Variants in DNAH8 observed in about 807,000 individuals in gnomAD.
DNAH8 encodes dynein axonemal heavy chain 8, also known as axonemal beta dynein heavy chain 8.
DNAH8 carries 382 observed loss-of-function variants against 562.1 expected under a neutral mutation model. The observed-to-expected ratio is 0.68, with a 90% CI of 0.63 to 0.74. The LOEUF is 0.74. Ranked by LOEUF, DNAH8 falls within the 30% of genes least tolerant of loss-of-function variation. The probability of loss-of-function intolerance (pLI) is 0.00; values close to 1 mark genes in which losing one functional copy is unlikely to be tolerated. For missense variants in DNAH8, 5,203 were observed against 5,620.4 expected (o/e 0.93, Z 2.37); for synonymous variants, 1,881 against 1,919.4 (o/e 0.98, Z 0.52).
At chr6:39,030,001 A>T in intron 92 of DNAH8, 104 bp from the exon 93 acceptor site, 1 of 879,568 alleles carries the variant, frequency 1.1e-6, no homozygotes, top group Non-Finnish European at 1.8e-6. Flanking sequence ...GTAGTGTTTT[A>T]AGACTGGTGT....
chr6:38,799,273 A>G (rs1770566670), intron 21 of DNAH8, among the ~76,000 whole-genome samples: 1 of 149,284 alleles, frequency 6.7e-6, no homozygotes, highest in Non-Finnish European at 1.5e-5. Context: ...GAAAGTTTCC[A>G]CCTCTCTTCA....
At chr6:38,773,531 T>C (rs1767777335) in intron 12 of DNAH8, among the ~76,000 whole-genome samples, 1 of 152,130 alleles carries the variant, frequency 6.6e-6, no homozygotes, top group African/African-American at 2.4e-5. Context: ...AAGCCACAAG[T>C]GCTCAGCAAC....
intron 79 of DNAH8, among the ~76,000 whole-genome samples, chr6:38,941,608 T>A (rs1783466098): frequency 6.6e-6 from 1 of 152,176 alleles, no homozygotes; most frequent in Admixed American, 6.5e-5. Context: ...GCAGAGAGTG[T>A]CAAGATGTAT....
Position 38,931,908 on chromosome 6 carries a change from C to T in DNAH8, c.11372C>T (p.Ala3791Val), listed in dbSNP as rs750681444. The T allele has an allele frequency of 2.5e-6, 4 of 1,611,634 alleles. No individual in the cohort carries two copies. Among genetic ancestry groups the T allele is most frequent in the Non-Finnish European group, 3.4e-6 (4 of 1,178,922 alleles). ...PNPAFTPEIN[A>V]KTSVIDFTVT... ...CCTGCCTTTACCCCAGAGATTAATGCTAAAACGTCAGTCATTGATTTCACT... is the reference window on the plus strand; with the variant it reads ...CCTGCCTTTACCCCAGAGATTAATGTTAAAACGTCAGTCATTGATTTCACT... The change falls in exon 76 of 93, where the codon GCT (alanine) becomes GTT (valine). Residue 3791 changes from alanine (A) to valine (V), a missense_variant. Coordinates refer to ENST00000327475, the MANE Select transcript of DNAH8 (RefSeq NM_001206927.2).
intron 44 of DNAH8, 26 bp downstream of exon 44, chr6:38,862,484 T>C: frequency 6.4e-7 from 1 of 1,574,382 alleles, no homozygotes; most frequent in South Asian, 1.2e-5. Context: ...TGTAGATTAT[T>C]TTAGGTGAAT....
chr6:38,795,490 G>T (rs929854201), intron 21 of DNAH8, among the ~76,000 whole-genome samples: 1 of 150,068 alleles, frequency 6.7e-6, no homozygotes, highest in African/African-American at 2.4e-5. Flanking sequence ...TGAGGCAGGA[G>T]AATGGCGTGA....
Position 38,803,435 on chromosome 6 carries a change from A to G in DNAH8, c.3034+124A>G, listed in dbSNP as rs988589098. 1.4e-5 allele frequency: 9 copies of G among 641,432 alleles called. No individual in the cohort carries two copies. In the East Asian group the frequency reaches 2.1e-4, roughly 15 times the overall value. 39.7% of individuals were successfully genotyped at this position (641,432 alleles called of 1,614,324 possible). ...TTCCCCAGAAGCAAAGAAGGTGTTCAGCATAAATCACATTGTTTGTACCAA... is the reference window on the plus strand; with the variant it reads ...TTCCCCAGAAGCAAAGAAGGTGTTCGGCATAAATCACATTGTTTGTACCAA... On this transcript the variant is annotated intron_variant, in intron 22 of 92. Transcript: ENST00000327475.
Position 38,758,589 on chromosome 6 carries a change from G to A in DNAH8, c.1515+2510G>A, listed in dbSNP as rs1017206324. On this transcript the variant is annotated intron_variant, in intron 10 of 92. Coordinates refer to ENST00000327475, the MANE Select transcript of DNAH8 (RefSeq NM_001206927.2). ...TGTTGAATAGGAGTGGTGAGAGAGG[G>A]CATCCCTGTCTTGTGCCAGTTTTCA... Among the ~76,000 whole-genome samples the A allele has an allele frequency of 6.7e-4, 102 of 151,862 alleles. 2 individuals are homozygous for A. The highest frequency in any genetic ancestry group is 1.0e-4 in the Non-Finnish European group (7 of 67,910).
intron 70 of DNAH8, among the ~76,000 whole-genome samples, chr6:38,920,473 T>C (rs1765821291): frequency 6.6e-6 from 1 of 152,218 alleles, no homozygotes; most frequent in South Asian, 2.1e-4. Context: ...AGCAGATCAT[T>C]ACCACATTGT....
rs546745961 is a variant in DNAH8 at position 38,999,487 on chromosome 6, C to T, written c.13214+9315C>T. ...TGGAAATTTACTGTGGTTTTCTTGT[C>T]TTTAATCATTAAAGATCTGCATTGA... is the stretch of plus-strand genomic sequence containing the variant. On this transcript the variant is annotated intron_variant, in intron 88 of 92. Transcript: ENST00000327475. 2.0e-3 allele frequency among the ~76,000 whole-genome samples: 297 copies of T among 151,098 alleles called. 1 individual carries two copies. The highest frequency in any genetic ancestry group is 6.8e-3 in the African/African-American group (279 of 41,212).
At chr6:38,771,370 T>G (rs1767557288) in intron 12 of DNAH8, among the ~76,000 whole-genome samples, 1 of 151,846 alleles carries the variant, frequency 6.6e-6, no homozygotes, top group African/African-American at 2.4e-5. Flanking sequence ...GTTTTTTAAA[T>G]TTGTTTCTTT....
intron 79 of DNAH8, among the ~76,000 whole-genome samples, chr6:38,944,362 C>T (rs138247536): frequency 1.8e-4 from 28 of 152,290 alleles, no homozygotes; most frequent in South Asian, 6.2e-4. Context: ...AAAGTACTTT[C>T]GTTCATACAG....
intron 91 of DNAH8, among the ~76,000 whole-genome samples, chr6:39,024,958 C>G (rs1271174203): frequency 1.3e-5 from 2 of 152,202 alleles, no homozygotes; most frequent in Non-Finnish European, 2.9e-5. Flanking sequence ...CACACCTAAT[C>G]CTATTTTAGT....
Position 38,926,159 on chromosome 6 carries a change from A to G in DNAH8, c.11067A>G (p.Gln3689=). ...GATACCCACTCCTCATAGACCCACA[A>G]ACTCAAGGCAAAACTTGGATTAAAT... ...ATRYPLLIDP[Q]TQGKTWIKSK... Residue 3689 remains glutamine (Q), a synonymous_variant, in exon 74 of 93, where the codon CAA becomes CAG. Transcript: ENST00000327475. 6.2e-7 allele frequency: 1 copy of G among 1,613,834 alleles called. No homozygotes were observed.
intron 66 of DNAH8, among the ~76,000 whole-genome samples, chr6:38,913,363 T>G (rs905827123): frequency 2.6e-5 from 4 of 152,242 alleles, no homozygotes; most frequent in Non-Finnish European, 5.9e-5. Flanking sequence ...CAGTTCTTTT[T>G]CTCTACGGTG....
chr6:38,758,531 G>A (rs1042991681), intron 10 of DNAH8, among the ~76,000 whole-genome samples: 2 of 151,952 alleles, frequency 1.3e-5, no homozygotes, highest in African/African-American at 4.8e-5. Context: ...TCCTTCTCCT[G>A]CCCGATTGCC....
chr6:38,734,499 A>G lies in DNAH8; in HGVS notation c.636A>G (p.Ala212=). The stretch of plus-strand genomic sequence containing the variant: ...AATGTGGTCGAACTATTGCTGGAGC[A>G]ACTAAAGGGGCAAAAATGATGAAAT... ...GIECGRTIAG[A]TKGAKMMKLY... is the part of the protein sequence containing the mutation. Residue 212 remains alanine, a synonymous_variant, in exon 5 of 93, where the codon GCA becomes GCG. Coordinates refer to ENST00000327475, the MANE Select transcript of DNAH8 (RefSeq NM_001206927.2). 1 of 1,613,916 alleles carries G rather than the reference A, an allele frequency of 6.2e-7. No individual in the cohort carries two copies. Among genetic ancestry groups the G allele is most frequent in the Non-Finnish European group, 8.5e-7 (1 of 1,179,962 alleles).
In DNAH8 at chr6:38,886,764, C is replaced by T. The variant is rs1019408419; in HGVS notation, c.8260-27C>T. On this transcript the variant is annotated intron_variant, in intron 56 of 92. Transcript: ENST00000327475. ...GGAGGAATATGATAGTGATATGTTA[C>T]AAAAATATTGCTGTGTGAAATTTCA... The T allele has an allele frequency of 5.7e-6, 9 of 1,572,068 alleles. No individual in the cohort carries two copies. The African/African-American group carries it at 1.1e-4, about 19-fold the overall frequency.
Position 38,958,946 on chromosome 6 carries a change from A to G in DNAH8, c.12451+7426A>G, listed in dbSNP as rs780479057. ...GTGCTCCGAAAGATCATTCACATTGATTAAATGGAATGCAGGGATGTTTCA... is the reference window on the plus strand; with the variant it reads ...GTGCTCCGAAAGATCATTCACATTGGTTAAATGGAATGCAGGGATGTTTCA... On this transcript the variant is annotated intron_variant, in intron 82 of 92. Coordinates refer to ENST00000327475, the MANE Select transcript of DNAH8 (RefSeq NM_001206927.2). Among the ~76,000 whole-genome samples the G allele has an allele frequency of 1.1e-4, 16 of 152,188 alleles. 1 individual carries two copies.
Sources: gnomAD v4.1 joint callset for allele counts (sites outside exome capture counted in the v4.1 genomes callset) on GRCh38, gnomAD v4.1.1 for gene constraint, MANE v1.5 for transcripts, NCBI Gene and HGNC (gene_info 2026-07-23, HGNC 2026-07-21) for gene names.